The following PTPRN2 variants were observed in gnomAD, a reference collection of about 807,000 sequenced individuals.
PTPRN2 encodes the protein protein tyrosine phosphatase receptor type N2.
A neutral mutation model predicts 118.8 loss-of-function variants in PTPRN2; 74 were observed. That is an observed-to-expected ratio of 0.62 (90% CI 0.52 to 0.76). The LOEUF is 0.76. PTPRN2 is among the 30% of genes least tolerant of loss of function. PTPRN2 has a pLI of 0.00. For synonymous variants in PTPRN2, 641 were observed against 608.0 expected (o/e 1.05, Z -0.80); for missense variants, 1,481 against 1,394.4 (o/e 1.06, Z -0.99).
intron 9 of PTPRN2, among the ~76,000 whole-genome samples, chr7:158,115,297 G>C (rs1025269755): frequency 3.9e-5 from 6 of 152,126 alleles, no homozygotes; most frequent in South Asian, 4.1e-4. Context: ...TGAGACATGA[G>C]CTCAAGCAGC....
chr7:157,720,853 C>T (rs1799193882), intron 12 of PTPRN2, among the ~76,000 whole-genome samples: 1 of 152,204 alleles, frequency 6.6e-6, no homozygotes, highest in African/African-American at 2.4e-5. Flanking sequence ...GCAGGGGACA[C>T]CGTGTGACTG....
chr7:157,727,526 G>A lies in PTPRN2; in HGVS notation c.1789-44589C>T, dbSNP rs192701294. Among the ~76,000 whole-genome samples, 67 of 149,272 alleles carry A rather than the reference G, an allele frequency of 4.5e-4. 1 individual carries two copies. The highest frequency in any genetic ancestry group is 6.2e-4 in the South Asian group (3 of 4,814). On this transcript the variant is annotated intron_variant, in intron 12 of 22. Transcript: ENST00000389418. ...AGAGGGTAGAGTGGGCTGCCGGGGTGGGGGGAGGAACAGGGGTCAGTGTTT... is the reference window on the plus strand; with the variant it reads ...AGAGGGTAGAGTGGGCTGCCGGGGTAGGGGGAGGAACAGGGGTCAGTGTTT...
At chr7:158,342,776 T>C (rs1167296189) in intron 2 of PTPRN2, among the ~76,000 whole-genome samples, 1 of 152,146 alleles carries the variant, frequency 6.6e-6, no homozygotes, top group African/African-American at 2.4e-5. Flanking sequence ...CAGGAAAGTC[T>C]GACTGACACT....
chr7:157,635,886 C>T (rs1053291119), intron 14 of PTPRN2, among the ~76,000 whole-genome samples: 1 of 152,218 alleles, frequency 6.6e-6, no homozygotes, highest in African/African-American at 2.4e-5. Flanking sequence ...TAATCCATTC[C>T]CAGAATGCAT....
At chr7:157,847,257 C>A (rs1168373908) in intron 12 of PTPRN2, among the ~76,000 whole-genome samples, 3 of 131,076 alleles carry the variant, frequency 2.3e-5, no homozygotes, top group African/African-American at 8.7e-5. Context: ...AGAGCCCTCT[C>A]TCACTCCTTC....
intron 12 of PTPRN2, among the ~76,000 whole-genome samples, chr7:157,819,730 C>A (rs544510012): frequency 3.3e-5 from 5 of 152,100 alleles, no homozygotes; most frequent in Admixed American, 3.3e-4. Flanking sequence ...AGGATGGGAT[C>A]CCTCTGCACG....
rs1045704084 is a variant in PTPRN2 at position 157,813,023 on chromosome 7, A to G, written c.1788+85650T>C. Among the ~76,000 whole-genome samples the G allele has an allele frequency of 6.6e-6, 1 of 152,282 alleles. No homozygotes were observed. The highest frequency in any genetic ancestry group is 2.4e-5 in the African/African-American group (1 of 41,530). On this transcript the variant is annotated intron_variant, in intron 12 of 22. Coordinates refer to ENST00000389418, the MANE Select transcript of PTPRN2 (RefSeq NM_002847.5). This position sits in a 1 kb window ranked among gnomAD's most constrained non-coding sequence, Gnocchi z 4.7. Reference sequence around the variant, plus strand: ...ACAGCCTCTGGATGAGCTTCTGTTAAAAAGAGATGACTCGGTGACAAACAG... The same window carrying G: ...ACAGCCTCTGGATGAGCTTCTGTTAGAAAGAGATGACTCGGTGACAAACAG...
At chr7:158,171,312 T>TATATATATATATATACATAC (rs1823655520) in intron 5 of PTPRN2, among the ~76,000 whole-genome samples, 2 of 31,882 alleles carry the variant, frequency 6.3e-5, no homozygotes, top group African/African-American at 2.1e-4. Context: ...TACACACATA[T>TATATATATATATATACATAC]ATATATATAT....
At chr7:158,514,472 G>C (rs1372013006) in intron 1 of PTPRN2, among the ~76,000 whole-genome samples, 1 of 152,152 alleles carries the variant, frequency 6.6e-6, no homozygotes, top group Non-Finnish European at 1.5e-5. Flanking sequence ...TTAAACCTCT[G>C]TGGTCCATGA....
Position 157,590,639 on chromosome 7 carries a change from G to A in PTPRN2, c.2496+4599C>T, listed in dbSNP as rs548327114. ...GACGCAGCACGGACAGAGGTGCTGT[G>A]GGCCCTGCGGGACGGGGAGCTGATG... is the stretch of plus-strand genomic sequence containing the variant. On this transcript the variant is annotated intron_variant, in intron 17 of 22. Coordinates refer to ENST00000389418, the MANE Select transcript of PTPRN2 (RefSeq NM_002847.5). This position sits in a 1 kb window ranked among gnomAD's most constrained non-coding sequence, Gnocchi z 4.0. Among the ~76,000 whole-genome samples the A allele has an allele frequency of 2.9e-4, 44 of 152,188 alleles. No individual in the cohort carries two copies. Among genetic ancestry groups the A allele is most frequent in the African/African-American group, 9.6e-4 (40 of 41,556 alleles).
intron 12 of PTPRN2, among the ~76,000 whole-genome samples, chr7:157,778,702 G>A (rs556921041): frequency 1.5e-4 from 23 of 150,772 alleles, no homozygotes; most frequent in South Asian, 8.4e-4. Context: ...TGCACTGAAC[G>A]CCCATGTAAA....
intron 3 of PTPRN2, among the ~76,000 whole-genome samples, chr7:158,240,546 G>A (rs562462544): frequency 1.9e-3 from 292 of 152,158 alleles, no homozygotes; most frequent in Non-Finnish European, 3.6e-3. Context: ...CTCCTGCCTC[G>A]GCCTCCCAAG....
At chr7:158,185,578 C>T (rs925412278) in intron 5 of PTPRN2, among the ~76,000 whole-genome samples, 1 of 152,158 alleles carries the variant, frequency 6.6e-6, no homozygotes, top group Non-Finnish European at 1.5e-5. Flanking sequence ...AATGAATTGA[C>T]CATTTAGTCA....
At chr7:157,726,943 C>T (rs1329871158) in intron 12 of PTPRN2, among the ~76,000 whole-genome samples, 1 of 152,196 alleles carries the variant, frequency 6.6e-6, no homozygotes, top group African/African-American at 2.4e-5. Context: ...AGCATGATTC[C>T]TCAGTGCAAT....
intron 12 of PTPRN2, among the ~76,000 whole-genome samples, chr7:157,890,013 A>T (rs191963212): frequency 6.6e-6 from 1 of 151,780 alleles, no homozygotes; most frequent in African/African-American, 2.4e-5. Context: ...AAATCACAGA[A>T]TTTGATTTAT....
chr7:157,825,709 G>C (rs534324207), intron 12 of PTPRN2, among the ~76,000 whole-genome samples: 1 of 152,154 alleles, frequency 6.6e-6, no homozygotes, highest in Non-Finnish European at 1.5e-5. Context: ...TATCTCTCTC[G>C]AGGCAGACCT....
At chr7:158,421,432 G>A (rs148201073) in intron 2 of PTPRN2, among the ~76,000 whole-genome samples, 11 of 152,300 alleles carry the variant, frequency 7.2e-5, no homozygotes, top group East Asian at 1.9e-4. Context: ...AAAGTGCATC[G>A]ACAAAGCGAC....
In PTPRN2 at chr7:158,171,183, TAC is replaced by T. The variant is rs1367765612; in HGVS notation, c.550-3894_550-3893del. Among the ~76,000 whole-genome samples, 9 of 143,004 alleles carry T rather than the reference TAC, an allele frequency of 6.3e-5. No individual in the cohort carries two copies. In the South Asian group the frequency reaches 1.3e-3, roughly 21 times the overall value. The allele number at this position is 143,004 out of a possible 152,430, so 93.8% of individuals were successfully genotyped here. A position where few individuals can be genotyped will look rare whatever the true frequency, so the allele number is the denominator to read the frequency against. ...ATATACACACATATATACACATATA[TAC>T]ACACATACATATATATACACTATAT... On this transcript the variant is annotated intron_variant, in intron 5 of 22. Coordinates refer to ENST00000389418, the MANE Select transcript of PTPRN2 (RefSeq NM_002847.5).
chr7:158,211,057 G>A lies in PTPRN2; in HGVS notation c.278-5784C>T, dbSNP rs184953465. Among the ~76,000 whole-genome samples, 10 of 152,188 alleles carry A rather than the reference G, an allele frequency of 6.6e-5. No homozygotes were observed. The South Asian group carries it at 1.5e-3, about 22-fold the overall frequency. ...ATTGATGCAAAAATCGTCAACAATC[G>A]TCAACTGTCCTGGGGATAGGACAGT... On this transcript the variant is annotated intron_variant, in intron 3 of 22. Coordinates refer to ENST00000389418, the MANE Select transcript of PTPRN2 (RefSeq NM_002847.5).
Sources: allele counts gnomAD v4.1 joint callset (sites outside exome capture counted in the v4.1 genomes callset), GRCh38; gene constraint gnomAD v4.1.1; non-coding constraint Gnocchi (gnomAD v3.1); transcripts MANE v1.5; gene names NCBI Gene and HGNC (gene_info 2026-07-23, HGNC 2026-07-21).